The following CSMD1 variants were observed in gnomAD, a reference collection of about 807,000 sequenced individuals.
The protein encoded by CSMD1 is CUB and Sushi multiple domains 1.
In CSMD1, 213 loss-of-function variants were observed where a neutral mutation model predicts 417.5. The ratio of observed to expected loss-of-function variants is 0.51; its 90% CI spans 0.46 to 0.57. The LOEUF (loss-of-function observed/expected upper bound fraction) is 0.57. Ranked by LOEUF, CSMD1 falls within the 20% of genes least tolerant of loss-of-function variation. The probability of loss-of-function intolerance (pLI) is 0.00; values close to 1 mark genes in which losing one functional copy is unlikely to be tolerated. For synonymous variants in CSMD1, 2,862 were observed against 1,736.8 expected (o/e 1.65, Z -16.11); for missense variants, 6,923 against 4,529.7 (o/e 1.53, Z -15.17).
chr8:4,147,829 T>C (rs1796342810), intron 3 of CSMD1, among the ~76,000 whole-genome samples: 1 of 152,024 alleles, frequency 6.6e-6, no homozygotes, highest in South Asian at 2.1e-4. Flanking sequence ...AGACACATCA[T>C]CAGAAAGACT....
At chr8:3,821,498 A>G (rs567114494) in intron 5 of CSMD1, among the ~76,000 whole-genome samples, 6 of 145,074 alleles carry the variant, frequency 4.1e-5, no homozygotes, top group African/African-American at 1.5e-4. Context: ...AAAGTCTACC[A>G]GGAGCTGGGT....
intron 3 of CSMD1, among the ~76,000 whole-genome samples, chr8:4,054,779 T>A (rs940440944): frequency 1.3e-5 from 2 of 152,096 alleles, no homozygotes; most frequent in African/African-American, 4.8e-5. Context: ...ACATCTACCT[T>A]CAAGTGGACG....
At chr8:3,131,351 GA>G (rs1298845722) in intron 41 of CSMD1, among the ~76,000 whole-genome samples, 2 of 134,202 alleles carry the variant, frequency 1.5e-5, no homozygotes, top group South Asian at 2.3e-4. Flanking sequence ...AATAATAAAA[GA>G]AAAAAAAGAA....
Position 3,806,047 on chromosome 8 carries a change from T to C in CSMD1, c.819-52005A>G, listed in dbSNP as rs2046198. ...CTTCATTGCACATTAACTTCTTCAA[T>C]GGATTTTAATTTATAATTGGACAAA... is the stretch of plus-strand genomic sequence containing the variant. On this transcript the variant is annotated intron_variant, in intron 5 of 69. Transcript: ENST00000635120. Among the ~76,000 whole-genome samples, 290 of 152,296 alleles carry C rather than the reference T, an allele frequency of 1.9e-3. 1 individual carries two copies. Among genetic ancestry groups the C allele is most frequent in the African/African-American group, 6.8e-3 (283 of 41,562 alleles).
chr8:3,244,038 T>G (rs1799719286), intron 26 of CSMD1, among the ~76,000 whole-genome samples: 1 of 152,164 alleles, frequency 6.6e-6, no homozygotes, highest in African/African-American at 2.4e-5. Flanking sequence ...GCTTCTCACA[T>G]CTGTAGAAAA....
At chr8:4,234,881 T>C (rs997806693) in intron 3 of CSMD1, among the ~76,000 whole-genome samples, 3 of 152,092 alleles carry the variant, frequency 2.0e-5, no homozygotes, top group Non-Finnish European at 4.4e-5. Context: ...TTTTCCTCGG[T>C]GTGTGAACAA....
At chr8:3,793,315 C>G (rs1799853943) in intron 5 of CSMD1, among the ~76,000 whole-genome samples, 1 of 152,196 alleles carries the variant, frequency 6.6e-6, no homozygotes, top group Admixed American at 6.5e-5. Flanking sequence ...CCATTCCCAT[C>G]TGTTTATGCA....
At position 4,057,936 on chromosome 8, in the gene CSMD1, G is replaced by A. The variant is rs1315171630; in HGVS notation, c.416-25837C>T. 1.5e-4 allele frequency among the ~76,000 whole-genome samples: 23 copies of A among 151,162 alleles called. No individual in the cohort carries two copies. The South Asian group carries it at 3.8e-3, about 25-fold the overall frequency. On this transcript the variant is annotated intron_variant, in intron 3 of 69. Coordinates refer to ENST00000635120, the MANE Select transcript of CSMD1 (RefSeq NM_033225.6). Reference sequence around the variant, plus strand: ...GTACCATGCTGTTTTGGTTCCTGTAGCCTTGTAGCATAGTTTGAAGTCAGG... The same window carrying A: ...GTACCATGCTGTTTTGGTTCCTGTAACCTTGTAGCATAGTTTGAAGTCAGG...
chr8:3,412,004 GTA>G lies in CSMD1; in HGVS notation c.1562-2401_1562-2400del, dbSNP rs1168323892. Among the ~76,000 whole-genome samples the G allele has an allele frequency of 1.5e-3, 68 of 44,750 alleles. 18 individuals carry two copies. The highest frequency in any genetic ancestry group is 4.0e-3 in the African/African-American group (41 of 10,194). 29.4% of individuals were successfully genotyped at this position (44,750 alleles called of 152,430 possible). ...CACGTATATATACGTGTATATACAC[GTA>G]TATATATACATATACACACGTATAT... On this transcript the variant is annotated intron_variant, in intron 12 of 69. Coordinates refer to ENST00000635120, the MANE Select transcript of CSMD1 (RefSeq NM_033225.6).
intron 5 of CSMD1, among the ~76,000 whole-genome samples, chr8:3,861,733 A>G (rs1449363249): frequency 6.6e-6 from 1 of 152,184 alleles, no homozygotes; most frequent in African/African-American, 2.4e-5. Context: ...TGTCTGCTAT[A>G]AAGATTTTAC....
chr8:3,571,250 C>T (rs373844806), intron 10 of CSMD1, among the ~76,000 whole-genome samples: 2 of 152,202 alleles, frequency 1.3e-5, no homozygotes, highest in East Asian at 3.9e-4. Flanking sequence ...CCTCGGCTAA[C>T]AACACACCTG....
intron 3 of CSMD1, among the ~76,000 whole-genome samples, chr8:4,144,956 G>A (rs1175328069): frequency 6.6e-6 from 1 of 150,980 alleles, no homozygotes; most frequent in Non-Finnish European, 1.5e-5. Flanking sequence ...TTTCTAACTT[G>A]AAAACAGAAG....
intron 5 of CSMD1, among the ~76,000 whole-genome samples, chr8:3,809,152 C>T (rs74821018): frequency 0.012 from 1,798 of 152,260 alleles, 16 homozygotes; most frequent in Non-Finnish European, 0.017. Flanking sequence ...TTTCCCCTTC[C>T]AGCCCCCACA....
chr8:4,038,227 T>G (rs1490215468), intron 3 of CSMD1, among the ~76,000 whole-genome samples: 1 of 152,132 alleles, frequency 6.6e-6, no homozygotes, highest in Non-Finnish European at 1.5e-5. Context: ...TTGTAAAAAT[T>G]TTAATGGGAA....
intron 7 of CSMD1, among the ~76,000 whole-genome samples, chr8:3,621,346 T>C (rs1481280893): frequency 2.6e-5 from 4 of 152,182 alleles, no homozygotes; most frequent in Non-Finnish European, 5.9e-5. Flanking sequence ...AGACTCACTT[T>C]AGGCGTAAGG....
At chr8:3,691,230 C>G (rs1270668499) in intron 7 of CSMD1, among the ~76,000 whole-genome samples, 1 of 151,672 alleles carries the variant, frequency 6.6e-6, no homozygotes, top group African/African-American at 2.4e-5. Flanking sequence ...TAGCCGGGCA[C>G]GGTAACAGGC....
chr8:3,384,242 CATA>C (rs1404069822), intron 18 of CSMD1, among the ~76,000 whole-genome samples: 35 of 152,228 alleles, frequency 2.3e-4, no homozygotes, highest in African/African-American at 7.0e-4. Context: ...TAAATTTTCA[CATA>C]ATAATTTTAA....
At chr8:4,257,841 A>G (rs180736794) in intron 3 of CSMD1, among the ~76,000 whole-genome samples, 80 of 152,352 alleles carry the variant, frequency 5.3e-4, no homozygotes, top group African/African-American at 1.5e-3. Flanking sequence ...ACAGAAAGTA[A>G]GCAGTCATTA....
chr8:3,958,093 G>A (rs1031226403), intron 5 of CSMD1, among the ~76,000 whole-genome samples: 1 of 152,054 alleles, frequency 6.6e-6, no homozygotes, highest in African/African-American at 2.4e-5. Flanking sequence ...TTACTATAAT[G>A]CTACTTGAAG....
Sources: gnomAD v4.1 joint callset for allele counts (sites outside exome capture counted in the v4.1 genomes callset) on GRCh38, gnomAD v4.1.1 for gene constraint, MANE v1.5 for transcripts, NCBI Gene and HGNC (gene_info 2026-07-23, HGNC 2026-07-21) for gene names.